The following CCDC136 variants were observed in gnomAD, a reference collection of about 807,000 sequenced individuals.
CCDC136 encodes the protein coiled-coil domain-containing protein 136.
A neutral mutation model predicts 141.2 loss-of-function variants in CCDC136; 100 were observed. That is an observed-to-expected ratio of 0.71 (90% confidence interval 0.60 to 0.84). CCDC136 has a LOEUF of 0.84. Ranked by LOEUF, CCDC136 falls within the 40% of genes least tolerant of loss-of-function variation. CCDC136 has a pLI of 0.00. For missense variants in CCDC136, 1,206 were observed against 1,379.4 expected, an observed-to-expected ratio of 0.87 and a Z score of 1.99; for synonymous variants, 474 against 531.9, an observed-to-expected ratio of 0.89 and a Z score of 1.50.
rs763719124 is a variant in CCDC136 at position 128,795,880 on chromosome 7, GGAGA to G, written c.346+1116_346+1119del. Among the ~76,000 whole-genome samples, 14 of 152,252 alleles carry G rather than the reference GGAGA, an allele frequency of 9.2e-5. No homozygotes were observed. In the East Asian group the frequency reaches 1.9e-3, roughly 21 times the overall value. On this transcript the variant is annotated intron_variant, in intron 3 of 17. Transcript: ENST00000297788. ...GCCCTAATGAAGAGTACATTCTAAC[GGAGA>G]GAGGCAGAAAATAAACAACACAAGT...
At position 128,794,612 on chromosome 7, in the gene CCDC136, T is replaced by C. The variant is rs1802668988; in HGVS notation, c.271+10T>C. 6.5e-7 allele frequency: 1 copy of C among 1,541,538 alleles called. No individual in the cohort carries two copies. On this transcript the variant is annotated intron_variant, in intron 2 of 17. Coordinates refer to ENST00000297788, the MANE Select transcript of CCDC136 (RefSeq NM_022742.5). This position sits in a 1 kb window ranked among gnomAD's most constrained non-coding sequence, Gnocchi z 4.3. ...TCCTTGGAGCTACAGGGTGAGTGCC[T>C]GGGCCAGGGCCCAGTGCCCGGGCCC...
In CCDC136 at chr7:128,815,646, C is replaced by T. The variant is rs1271351782; in HGVS notation, c.3078C>T (p.Ser1026=). The T allele has an allele frequency of 6.4e-7, 1 of 1,555,982 alleles. No individual in the cohort carries two copies. The highest frequency in any genetic ancestry group is 8.7e-7 in the Non-Finnish European group (1 of 1,149,674). ...AGGTAGTGCTGTACTACAAGGCCAG[C>T]CAGAGGAAATTAGATGGACTAGCAA... The part of the protein sequence containing the change: ...SLEVVLYYKA[S]QRKLDGLAKE... The change falls in exon 16 of 18, where the codon AGC becomes AGT. Residue 1026 remains serine (S), a synonymous_variant. Transcript: ENST00000297788.
intron 3 of CCDC136, among the ~76,000 whole-genome samples, chr7:128,797,836 A>G (rs1040098392): frequency 6.6e-6 from 1 of 151,212 alleles, no homozygotes; most frequent in Non-Finnish European, 1.5e-5. Context: ...TTGCCTGGAG[A>G]AGGAACGTTC....
chr7:128,818,817 G>A (rs1019182499), intron 17 of CCDC136, among the ~76,000 whole-genome samples: 2 of 152,118 alleles, frequency 1.3e-5, no homozygotes, highest in African/African-American at 4.8e-5. Context: ...GAACCCATAA[G>A]GTATTCTCTC....
chr7:128,806,404 A>C lies in CCDC136; in HGVS notation c.1248+9A>C. 1.3e-6 allele frequency: 2 copies of C among 1,595,026 alleles called. No individual in the cohort carries two copies. The highest frequency in any genetic ancestry group is 1.7e-6 in the Non-Finnish European group (2 of 1,167,858). On this transcript the variant is annotated intron_variant, in intron 8 of 17. Transcript: ENST00000297788. ...AAAACCAGAGTGAGAAGGTAACAGC[A>C]ACCAGAGGTGAGGGGACAACTTAGG...
intron 3 of CCDC136, among the ~76,000 whole-genome samples, chr7:128,797,708 AAGAGAAGC>A (rs1377307499): frequency 4.6e-5 from 7 of 152,218 alleles, no homozygotes; most frequent in African/African-American, 7.2e-5. Flanking sequence ...AGTCATTTTG[AAGAGAAGC>A]AGAGAAGTAA....
chr7:128,794,678 G>T lies in CCDC136; in HGVS notation c.272-16G>T, dbSNP rs931982284. On this transcript the variant is annotated splice_polypyrimidine_tract_variant and intron_variant, in intron 2 of 17. Coordinates refer to ENST00000297788, the MANE Select transcript of CCDC136 (RefSeq NM_022742.5). The surrounding 1 kb of genome is among the most constrained non-coding windows in gnomAD (Gnocchi z 4.3). ...CCCTGGATCCGAGCTTGACACTGGT[G>T]CCCCTCTCCCTGCAGGGCTCCTGGA... 1.9e-6 allele frequency: 3 copies of T among 1,548,356 alleles called. No homozygotes were observed. Among genetic ancestry groups the T allele is most frequent in the Non-Finnish European group, 2.6e-6 (3 of 1,145,228 alleles).
rs775724167 is a variant in CCDC136 at position 128,792,406 on chromosome 7, C to T, written c.-6C>T. 1.2e-6 allele frequency: 2 copies of T among 1,610,784 alleles called. No homozygotes were observed. The highest frequency in any genetic ancestry group is 1.7e-5 in the Admixed American group (1 of 59,770). ...CCAACGCTGGGGGTCCCTGGAACGACGGGGGATGCAAGCTATGGAGGGTGA... is the reference window on the plus strand; with the variant it reads ...CCAACGCTGGGGGTCCCTGGAACGATGGGGGATGCAAGCTATGGAGGGTGA... On this transcript the variant is annotated 5_prime_UTR_variant, in exon 1 of 18. It adds an upstream start codon to the 5' untranslated region. Transcript: ENST00000297788.
At chr7:128,803,610 G>C (rs986625981) in intron 4 of CCDC136, among the ~76,000 whole-genome samples, 3 of 152,128 alleles carry the variant, frequency 2.0e-5, no homozygotes, top group African/African-American at 7.2e-5. Flanking sequence ...CCATGACTGT[G>C]CCACTGCACT....
intron 3 of CCDC136, among the ~76,000 whole-genome samples, chr7:128,798,156 A>T (rs1803360864): frequency 6.7e-6 from 1 of 148,276 alleles, no homozygotes; most frequent in Non-Finnish European, 1.5e-5. Context: ...TGACCTCATG[A>T]TCCGCCCGCC....
chr7:128,796,739 A>ATATATATGTATATATATATTTTTT, intron 3 of CCDC136, among the ~76,000 whole-genome samples: 1 of 113,376 alleles, frequency 8.8e-6, no homozygotes, highest in African/African-American at 4.6e-5. Flanking sequence ...ATATATATAT[A>ATATATATGTATATATATATTTTTT]TTCTTTTTTT....
intron 4 of CCDC136, among the ~76,000 whole-genome samples, 178 bp from the exon 5 acceptor site, chr7:128,804,472 C>G (rs759955208): frequency 6.6e-6 from 1 of 152,184 alleles, no homozygotes; most frequent in Non-Finnish European, 1.5e-5. Flanking sequence ...GAGAAAGACT[C>G]ACTGCACTGT....
At chr7:128,798,632 G>A (rs975500151) in intron 3 of CCDC136, among the ~76,000 whole-genome samples, 1 of 152,066 alleles carries the variant, frequency 6.6e-6, no homozygotes, top group Non-Finnish European at 1.5e-5. Flanking sequence ...GGAGGTGGAG[G>A]TTGGTCTGTT....
chr7:128,791,863 C>T (rs1802215452), upstream of CCDC136: 1 of 390,630 alleles, frequency 2.6e-6, no homozygotes, highest in Non-Finnish European at 4.3e-6. This position sits in a 1 kb window ranked among gnomAD's most constrained non-coding sequence, Gnocchi z 7.1. Flanking sequence ...CTCCTGAGCG[C>T]GGGGCGAGGG....
chr7:128,791,517 C>T (rs1316336932), upstream of CCDC136: 1 of 1,292,956 alleles, frequency 7.7e-7, no homozygotes, highest in Non-Finnish European at 9.7e-7. This position sits in a 1 kb window ranked among gnomAD's most constrained non-coding sequence, Gnocchi z 7.1. Flanking sequence ...CCGGAGCCGG[C>T]GCGGGAGCCG....
chr7:128,807,093 A>G (rs896321101), intron 9 of CCDC136, among the ~76,000 whole-genome samples: 1 of 152,176 alleles, frequency 6.6e-6, no homozygotes, highest in Non-Finnish European at 1.5e-5. Flanking sequence ...CACCTCCCAA[A>G]AAAGGAAGCC....
At chr7:128,820,944 A>G (rs1398732063) in intron 17 of CCDC136, among the ~76,000 whole-genome samples, 1 of 152,232 alleles carries the variant, frequency 6.6e-6, no homozygotes, top group East Asian at 1.9e-4. Flanking sequence ...ACTTGAAACC[A>G]TCCTTCTGTT....
At position 128,810,469 on chromosome 7, in the gene CCDC136, C is replaced by T. The variant is rs185368751; in HGVS notation, c.2028+103C>T. On this transcript the variant is annotated intron_variant, in intron 12 of 17. Transcript: ENST00000297788. ...TCAGAGTTGGGAAGGCGTGTTTGGC[C>T]AGGGGTAAGGATAAGGCAAAAGCCC... is the stretch of plus-strand genomic sequence containing the variant. The T allele has an allele frequency of 2.0e-3, 1,589 of 798,384 alleles. 22 individuals carry two copies. Among genetic ancestry groups the T allele is most frequent in the Non-Finnish European group, 4.3e-4 (213 of 495,374 alleles). The allele number at this position is 798,384 out of a possible 1,614,324, so 49.5% of individuals were successfully genotyped here.
At chr7:128,799,463 A>G (rs1471643753) in intron 3 of CCDC136, among the ~76,000 whole-genome samples, 1 of 151,804 alleles carries the variant, frequency 6.6e-6, no homozygotes, top group Non-Finnish European at 1.5e-5. Flanking sequence ...TACATCAAAT[A>G]TCTATTGAGC....
Sources: allele counts gnomAD v4.1 joint callset (sites outside exome capture counted in the v4.1 genomes callset), GRCh38; gene constraint gnomAD v4.1.1; non-coding constraint Gnocchi (gnomAD v3.1); transcripts MANE v1.5; gene names NCBI Gene and HGNC (gene_info 2026-07-23, HGNC 2026-07-21).